Variants in PTPRT observed in about 807,000 individuals in gnomAD.
PTPRT encodes protein tyrosine phosphatase receptor type T.
Under a neutral mutation model 176.8 loss-of-function variants are expected in PTPRT, and 56 were observed. The ratio of observed to expected loss-of-function variants is 0.32; its 90% CI spans 0.26 to 0.40. PTPRT has a LOEUF of 0.40. Ranked by LOEUF, PTPRT falls within the 10% of genes least tolerant of loss-of-function variation. The pLI is 1.00. For missense variants in PTPRT, 1,540 were observed against 1,908.2 expected (o/e 0.81, Z 3.60); for synonymous variants, 783 against 739.0 (o/e 1.06, Z -0.96).
chr20:42,951,827 C>T (rs1000573740), intron 1 of PTPRT, among the ~76,000 whole-genome samples: 6 of 152,146 alleles, frequency 3.9e-5, no homozygotes, highest in African/African-American at 1.4e-4. Flanking sequence ...CACTTACACG[C>T]TGTGTAAGCC....
At chr20:42,127,893 G>T (rs1987937207) in intron 19 of PTPRT, among the ~76,000 whole-genome samples, 1 of 152,142 alleles carries the variant, frequency 6.6e-6, no homozygotes, top group African/African-American at 2.4e-5. Context: ...CCTCGGATCT[G>T]TCTTATCTTT....
At position 42,432,728 on chromosome 20, in the gene PTPRT, G is replaced by A. The variant is rs1318926530; in HGVS notation, c.1560+15492C>T. On this transcript the variant is annotated intron_variant, in intron 9 of 30. Transcript: ENST00000373187. ...TCCTTTCTGCTGATTCCAAGTTTTA[G>A]ACAGAGCCTTACTCCTTTAACCAAT... Among the ~76,000 whole-genome samples the A allele has an allele frequency of 2.6e-5, 4 of 152,138 alleles. No individual in the cohort carries two copies. The South Asian group carries it at 8.3e-4, about 32-fold the overall frequency.
chr20:42,199,582 T>A (rs1290115662), intron 15 of PTPRT, among the ~76,000 whole-genome samples, 194 bp from the exon 16 acceptor site: 1 of 152,196 alleles, frequency 6.6e-6, no homozygotes, highest in Non-Finnish European at 1.5e-5. Flanking sequence ...CGCTGCTGCC[T>A]CACCCCCGAC....
At chr20:43,028,957 A>G (rs559225398) in intron 1 of PTPRT, among the ~76,000 whole-genome samples, 52 of 152,270 alleles carry the variant, frequency 3.4e-4, no homozygotes, top group African/African-American at 9.6e-4. Context: ...TTCTTTATGC[A>G]TCACCCCTTG....
intron 11 of PTPRT, among the ~76,000 whole-genome samples, chr20:42,324,460 C>T (rs969729470): frequency 6.6e-6 from 1 of 152,088 alleles, no homozygotes; most frequent in Non-Finnish European, 1.5e-5. Flanking sequence ...GTTGCACGAT[C>T]CTATACATTT....
At chr20:42,872,580 G>A (rs2078863907) in intron 2 of PTPRT, among the ~76,000 whole-genome samples, 1 of 152,144 alleles carries the variant, frequency 6.6e-6, no homozygotes, top group African/African-American at 2.4e-5. Flanking sequence ...AGGACCACAG[G>A]AGTCTTCACC....
chr20:42,976,607 A>T (rs536125213), intron 1 of PTPRT, among the ~76,000 whole-genome samples: 5 of 151,936 alleles, frequency 3.3e-5, no homozygotes, highest in Non-Finnish European at 7.4e-5. Context: ...GGATTTCCCC[A>T]TGTTGGCCAG....
rs115086117 is a variant in PTPRT, at chr20:42,585,151, G to A, written c.1153+92715C>T. 2.4e-3 allele frequency among the ~76,000 whole-genome samples: 363 copies of A among 152,118 alleles called. 1 individual carries two copies. The highest frequency in any genetic ancestry group is 7.3e-3 in the African/African-American group (303 of 41,492). On this transcript the variant is annotated intron_variant, in intron 7 of 30. Coordinates refer to ENST00000373187, the MANE Select transcript of PTPRT (RefSeq NM_007050.6). ...GTGTGAACTGAACTCCTTGTTCCACGTGCTTATTGGCCACTACAAAGTAAG... is the reference window on the plus strand; with the variant it reads ...GTGTGAACTGAACTCCTTGTTCCACATGCTTATTGGCCACTACAAAGTAAG...
At chr20:42,267,912 A>G (rs937926721) in intron 13 of PTPRT, among the ~76,000 whole-genome samples, 4 of 152,206 alleles carry the variant, frequency 2.6e-5, no homozygotes, top group African/African-American at 7.2e-5. Flanking sequence ...TCATATTTCA[A>G]TTTCTCCAAA....
At chr20:42,392,818 C>G (rs545593581) in intron 9 of PTPRT, among the ~76,000 whole-genome samples, 10 of 152,248 alleles carry the variant, frequency 6.6e-5, no homozygotes, top group Middle Eastern at 3.4e-3. Flanking sequence ...CTTTCCTCAT[C>G]GGTTGCTAGG....
chr20:42,515,574 T>G (rs1390666051), intron 7 of PTPRT, among the ~76,000 whole-genome samples: 1 of 152,222 alleles, frequency 6.6e-6, no homozygotes, highest in Admixed American at 6.5e-5. Context: ...ATACTTTTTC[T>G]GTTTGCAGCT....
At chr20:43,148,425 C>A (rs1195706151) in intron 1 of PTPRT, among the ~76,000 whole-genome samples, 1 of 152,168 alleles carries the variant, frequency 6.6e-6, no homozygotes, top group Non-Finnish European at 1.5e-5. Context: ...CCCCATGATT[C>A]TCTCAGCACT....
chr20:42,454,949 G>A (rs1394546531), intron 8 of PTPRT, among the ~76,000 whole-genome samples: 2 of 152,154 alleles, frequency 1.3e-5, no homozygotes, highest in Non-Finnish European at 2.9e-5. Context: ...ATGCCCCGAA[G>A]ACATCCTTCA....
At chr20:42,259,169 C>T (rs1351402722) in intron 13 of PTPRT, among the ~76,000 whole-genome samples, 1 of 152,188 alleles carries the variant, frequency 6.6e-6, no homozygotes, top group Non-Finnish European at 1.5e-5. Flanking sequence ...TCTATGCTTC[C>T]AGATAGACCT....
At chr20:42,663,162 C>G (rs1038439684) in intron 7 of PTPRT, among the ~76,000 whole-genome samples, 8 of 152,054 alleles carry the variant, frequency 5.3e-5, no homozygotes, top group African/African-American at 1.7e-4. Context: ...CCGCCCTCCC[C>G]CAACCCCACT....
intron 6 of PTPRT, among the ~76,000 whole-genome samples, chr20:42,680,672 T>A (rs1298040200): frequency 1.3e-5 from 2 of 152,144 alleles, no homozygotes; most frequent in Non-Finnish European, 2.9e-5. Flanking sequence ...GCTGAGTGAG[T>A]GGCCCCATTT....
intron 3 of PTPRT, among the ~76,000 whole-genome samples, chr20:42,789,813 A>C (rs2077346937): frequency 6.6e-6 from 1 of 152,246 alleles, no homozygotes; most frequent in African/African-American, 2.4e-5. Context: ...TCTCGTTACC[A>C]AGGCAAAAGG....
the PTPRT span, among the ~76,000 whole-genome samples, chr20:42,033,152 T>C: frequency 6.6e-6 from 1 of 152,166 alleles, no homozygotes; most frequent in Admixed American, 6.5e-5. Flanking sequence ...AGTCAAGATT[T>C]TCCATATGGA....
At chr20:42,757,157 A>G (rs1391656858) in intron 5 of PTPRT, among the ~76,000 whole-genome samples, 7 of 152,116 alleles carry the variant, frequency 4.6e-5, no homozygotes, top group African/African-American at 1.4e-4. Context: ...TTGAGGACAC[A>G]GGCCTGGTGG....
Sources: allele counts gnomAD v4.1 joint callset (sites outside exome capture counted in the v4.1 genomes callset), GRCh38; gene constraint gnomAD v4.1.1; transcripts MANE v1.5; gene names NCBI Gene and HGNC (gene_info 2026-07-23, HGNC 2026-07-21).